CYP17A1: variants seen among roughly 807,000 people sequenced by gnomAD.
CYP17A1 encodes the protein cytochrome P450 family 17 subfamily A member 1.
CYP17A1 carries 27 observed loss-of-function variants against 38.5 expected under a neutral mutation model. That is an observed-to-expected ratio of 0.70 (90% CI 0.52 to 0.97). The LOEUF is 0.97. Ranked by LOEUF, CYP17A1 falls within the 50% of genes least tolerant of loss-of-function variation. The pLI is 0.00. For synonymous variants in CYP17A1, 263 were observed against 253.3 expected (o/e 1.04, Z -0.36); for missense variants, 549 against 645.9 (o/e 0.85, Z 1.63).
rs775043521 is a variant in CYP17A1 at position 102,830,970 on chromosome 10, G to A, written c.1259C>T (p.Pro420Leu). The A allele has an allele frequency of 6.3e-7, 1 of 1,576,116 alleles. No homozygotes were observed. The change falls in exon 8 of 8, where the codon CCA becomes CTA. Residue 420 changes from proline (P) to leucine (L), a missense_variant. Pro to Leu is a moderately conservative substitution (Grantham distance 98). Around this residue, in one of 3 missense-constraint regions of CYP17A1, gnomAD observed 257 missense variants for 307.9 expected, o/e 0.83. Coordinates refer to ENST00000369887, the MANE Select transcript of CYP17A1 (RefSeq NM_000102.4). The surrounding 1 kb of genome is among the most constrained non-coding windows in gnomAD (Gnocchi z 4.1). ...CGGTGAGATGAGCTGGGTCCCCGCT[G>A]GATTCAAGAAACGCTCTGCAGGCAA... ...DQFMPERFLN[P>L]AGTQLISPSV...
rs1176190888 is a variant in CYP17A1, at chr10:102,831,046, T to C, written c.1244-61A>G. Reference sequence around the variant, plus strand: ...GCAGGAGGGAGGAGAGGCATGGTTCTGCCCTGGTTGAGGGGGAGACATGGC... The same window carrying C: ...GCAGGAGGGAGGAGAGGCATGGTTCCGCCCTGGTTGAGGGGGAGACATGGC... On this transcript the variant is annotated intron_variant, in intron 7 of 7. Transcript: ENST00000369887. 3.4e-6 allele frequency: 4 copies of C among 1,161,022 alleles called. No individual in the cohort carries two copies. In the East Asian group the frequency reaches 1.0e-4, roughly 30 times the overall value. 71.9% of individuals were successfully genotyped at this position (1,161,022 alleles called of 1,614,324 possible). A position where few individuals can be genotyped will look rare whatever the true frequency, so the allele number is the denominator to read the frequency against.
intron 4 of CYP17A1, chr10:102,833,605 C>T (rs925278576): frequency 3.8e-5 from 11 of 287,446 alleles, no homozygotes; most frequent in Admixed American, 3.0e-4. Flanking sequence ...TATAGGCATG[C>T]GCCACCGTGC....
chr10:102,835,847 G>A (rs974566192), intron 1 of CYP17A1, among the ~76,000 whole-genome samples: 2 of 152,240 alleles, frequency 1.3e-5, no homozygotes, highest in South Asian at 2.1e-4. Context: ...TGAGCTAAAG[G>A]CACAGCTCAC....
In CYP17A1 at chr10:102,832,583, G is replaced by C; in HGVS notation, c.1067C>G (p.Thr356Ser). ...DRNRLLLLEA[T>S]IREVLRLRPV... is the part of the protein sequence containing the mutation. ...CCTGAGGCGAAGCACCTCTCGGATG[G>C]TGGCCTCCAGCAGGAGGAGACGGTT... The change falls in exon 6 of 8, where the codon ACC becomes AGC. Residue 356 changes from threonine to serine, a missense_variant. Physicochemically the swap from Thr to Ser is moderately conservative, Grantham distance 58. Transcript: ENST00000369887. 6.2e-7 allele frequency: 1 copy of C among 1,609,422 alleles called. No individual in the cohort carries two copies. Among genetic ancestry groups the C allele is most frequent in the Non-Finnish European group, 8.5e-7 (1 of 1,175,678 alleles).
chr10:102,833,296 A>G (rs1844116314), intron 4 of CYP17A1, 88 bp from the exon 5 acceptor site: 30 of 1,605,898 alleles, frequency 1.9e-5, no homozygotes, highest in Non-Finnish European at 2.6e-5. Context: ...ACTAGAGATA[A>G]CAAGGCTCCT....
rs1458440922 is a variant in CYP17A1, at chr10:102,834,113, T to TG, written c.675dup (p.Asn226GlnfsTer12). The TG allele has an allele frequency of 4.7e-6, 6 of 1,263,340 alleles. No individual in the cohort carries two copies. In the Admixed American group the frequency reaches 6.7e-5, roughly 14 times the overall value. 78.3% of individuals were successfully genotyped at this position (1,263,340 alleles called of 1,614,324 possible). ...CTCTTTAATTTTTCCAGGGTTTTGT[T>TG]GGGGAAAATCTGGGAAATAAAAAGA... On this transcript the variant is annotated frameshift_variant, in exon 4 of 8. Transcript: ENST00000369887. LOFTEE classifies it high-confidence loss of function.
rs140254053 is a variant in CYP17A1 at position 102,834,222 on chromosome 10, G to T, written c.667-100C>A. ...GGCGGATCTTAGCTTTCTGTCTCTG[G>T]AAGTTCCTACTCCACCCCTGACCTT... is the stretch of plus-strand genomic sequence containing the variant. On this transcript the variant is annotated intron_variant, in intron 3 of 7. Transcript: ENST00000369887. 142 of 736,204 alleles carry T rather than the reference G, an allele frequency of 1.9e-4. 1 individual carries two copies. The East Asian group carries it at 2.8e-3, about 15-fold the overall frequency. The allele number at this position is 736,204 out of a possible 1,614,324, so 45.6% of individuals were successfully genotyped here. A position where few individuals can be genotyped will look rare whatever the true frequency, so the allele number is the denominator to read the frequency against.
chr10:102,833,781 G>A lies in CYP17A1; in HGVS notation c.753+255C>T, dbSNP rs564044597. 1.9e-4 allele frequency: 77 copies of A among 409,116 alleles called. 1 individual carries two copies. Among genetic ancestry groups the A allele is most frequent in the African/African-American group, 1.0e-3 (49 of 48,784 alleles). 25.3% of individuals were successfully genotyped at this position (409,116 alleles called of 1,614,324 possible). A position where few individuals can be genotyped will look rare whatever the true frequency, so the allele number is the denominator to read the frequency against. ...TAGTTTTTGTATTTTTAGTACAGAC[G>A]GGGTTTCACCATATTGGCCAGGCTC... On this transcript the variant is annotated intron_variant, in intron 4 of 7. Transcript: ENST00000369887.
At chr10:102,831,253 C>A (rs1437808750) in intron 7 of CYP17A1, among the ~76,000 whole-genome samples, 1 of 152,200 alleles carries the variant, frequency 6.6e-6, no homozygotes, top group Admixed American at 6.5e-5. Context: ...GGAGAAGGGA[C>A]AGACTTAATG....
intron 7 of CYP17A1, 98 bp downstream of exon 7, chr10:102,831,410 T>C: frequency 6.4e-7 from 1 of 1,555,582 alleles, no homozygotes; most frequent in Non-Finnish European, 8.7e-7. Flanking sequence ...CCAAGAGTTT[T>C]CTAGCAGCAA....
rs763103999 is a variant in CYP17A1 at position 102,837,239 on chromosome 10, T to A, written c.123A>T (p.Pro41=). The change falls in exon 1 of 8, where the codon CCA becomes CCT. Residue 41 remains proline, a synonymous_variant. Transcript: ENST00000369887. The part of the protein sequence containing the change: ...LLSLPLVGSL[P]FLPRHGHMHN... The stretch of plus-strand genomic sequence containing the variant: ...GCATATGGCCGTGTCTGGGGAGGAA[T>A]GGCAGGCTGCCCACCAGGGGCAGGG... 20 of 1,607,862 alleles carry A rather than the reference T, an allele frequency of 1.2e-5. No individual in the cohort carries two copies. In the South Asian group the frequency reaches 2.0e-4, roughly 16 times the overall value.
intron 3 of CYP17A1, chr10:102,834,370 C>T (rs1266073090): frequency 1.8e-6 from 1 of 567,926 alleles, no homozygotes; most frequent in Non-Finnish European, 3.2e-6. Flanking sequence ...AAACATCAAG[C>T]GCTGACTCTG....
intron 3 of CYP17A1, chr10:102,834,563 T>C: frequency 1.6e-6 from 1 of 629,054 alleles, no homozygotes. Flanking sequence ...GGAAAAGAAA[T>C]GAAGGTCATT....
intron 5 of CYP17A1, 29 bp downstream of exon 5, chr10:102,832,964 G>A (rs369724144): frequency 6.2e-7 from 1 of 1,612,224 alleles, no homozygotes; most frequent in African/African-American, 1.3e-5. Context: ...GGCTGGCTGG[G>A]GTCTAGGATC....
At position 102,834,906 on chromosome 10, in the gene CYP17A1, A is replaced by C; in HGVS notation, c.545T>G (p.Ile182Ser). ...ATTCTTGTAGGAGGTATTGAAGCAG[A>C]TCAAGGAGATGACATTGGTTACCGC... ...FVAVTNVISL[I>S]CFNTSYKNGD... The change falls in exon 3 of 8, where the codon ATC becomes AGC. Residue 182 changes from isoleucine (I) to serine (S), a missense_variant. Coordinates refer to ENST00000369887, the MANE Select transcript of CYP17A1 (RefSeq NM_000102.4). 1 of 1,613,924 alleles carries C rather than the reference A, an allele frequency of 6.2e-7. No individual in the cohort carries two copies. The highest frequency in any genetic ancestry group is 8.5e-7 in the Non-Finnish European group (1 of 1,179,874).
chr10:102,832,550 G>A lies in CYP17A1; in HGVS notation c.1100C>T (p.Ala367Val), dbSNP rs753683490. ...IREVLRLRPV[A>V]PMLIPHKANV... is the part of the protein sequence containing the mutation. ...GGCCTTGTGGGGGATGAGCATAGGG[G>A]CCACGGGCCTGAGGCGAAGCACCTC... The change falls in exon 6 of 8, where the codon GCC becomes GTC. Residue 367 changes from alanine (A) to valine (V), a missense_variant. This residue lies in a region of CYP17A1 where 257 missense variants were observed against 307.9 expected (regional missense o/e 0.83). Coordinates refer to ENST00000369887, the MANE Select transcript of CYP17A1 (RefSeq NM_000102.4). 1.9e-6 allele frequency: 3 copies of A among 1,611,568 alleles called. No homozygotes were observed. Among genetic ancestry groups the A allele is most frequent in the East Asian group, 2.2e-5 (1 of 44,868 alleles).
chr10:102,832,009 C>A (rs1012290248), intron 6 of CYP17A1, among the ~76,000 whole-genome samples: 1 of 152,132 alleles, frequency 6.6e-6, no homozygotes, highest in Non-Finnish European at 1.5e-5. Flanking sequence ...TGAGTCAATG[C>A]GTGTCTGTAG....
In CYP17A1 at chr10:102,832,594, C is replaced by T; in HGVS notation, c.1056G>A (p.Leu352=). Residue 352 remains leucine, a synonymous_variant, in exon 6 of 8, where the codon CTG becomes CTA. Transcript: ENST00000369887. The stretch of plus-strand genomic sequence containing the variant: ...GCACCTCTCGGATGGTGGCCTCCAG[C>T]AGGAGGAGACGGTTACGGTCACTGA... ...PTISDRNRLL[L]LEATIREVLR... 1 of 1,607,150 alleles carries T rather than the reference C, an allele frequency of 6.2e-7. No individual in the cohort carries two copies. The highest frequency in any genetic ancestry group is 8.5e-7 in the Non-Finnish European group (1 of 1,173,598).
At chr10:102,832,852 C>G (rs1022602035) in intron 5 of CYP17A1, 141 bp downstream of exon 5, 1 of 1,511,230 alleles carries the variant, frequency 6.6e-7, no homozygotes, top group African/African-American at 1.4e-5. Flanking sequence ...ACTCTGGGGT[C>G]AAAGCCAACT....
Sources: gnomAD v4.1 joint callset for allele counts (sites outside exome capture counted in the v4.1 genomes callset) on GRCh38, gnomAD v4.1.1 for gene constraint, gnomAD v4.1.1 regional missense constraint, Gnocchi (gnomAD v3.1) non-coding constraint, MANE v1.5 for transcripts, NCBI Gene and HGNC (gene_info 2026-07-23, HGNC 2026-07-21) for gene names.